Variants in LPAR6 observed in about 807,000 individuals in gnomAD.
LPAR6 encodes the protein lysophosphatidic acid receptor 6.
Under a neutral mutation model 22.0 loss-of-function variants are expected in LPAR6, and 17 were observed. The observed-to-expected ratio is 0.77, with a 90% CI of 0.53 to 1.16. LPAR6 has a LOEUF of 1.16. Among genes scored for constraint, LPAR6 ranks in the 50% most tolerant of loss-of-function variants. The pLI, the probability that LPAR6 is intolerant of heterozygous loss-of-function variation, is 0.00. For missense variants in LPAR6, 384 were observed against 406.9 expected (o/e 0.94, Z 0.48); for synonymous variants, 136 against 139.8 (o/e 0.97, Z 0.19).
Position 48,411,460 on chromosome 13 carries a change from C to A in LPAR6, c.964G>T (p.Ala322Ser). 2.5e-6 allele frequency: 4 copies of A among 1,612,926 alleles called. No homozygotes were observed. The highest frequency in any genetic ancestry group is 3.4e-6 in the Non-Finnish European group (4 of 1,179,294). Residue 322 changes from alanine to serine, a missense_variant, in exon 1 of 1, where the codon GCA becomes TCA. By Grantham distance (99) the Ala-to-Ser change is moderately conservative (BLOSUM62 1). Coordinates refer to ENST00000620633, the MANE Select transcript of LPAR6 (RefSeq NM_001162498.3). ...SDFRFSEVHG[A>S]ENFIQHNLQT... ...AGGTTATGCTGAATAAAATTCTCTG[C>A]ACCATGAACTTCAGAGAATCTGAAG...
At chr13:48,407,264 C>A (rs1009381078), downstream of LPAR6, among the ~76,000 whole-genome samples, 1 of 152,164 alleles carries the variant, frequency 6.6e-6, no homozygotes, top group Admixed American at 6.6e-5. Flanking sequence ...GGGGCTCTAT[C>A]TTTTGAATTC....
intron 1 of LPAR6, among the ~76,000 whole-genome samples, chr13:48,395,096 A>C (rs1027558095): frequency 3.3e-5 from 5 of 150,892 alleles, no homozygotes; most frequent in African/African-American, 9.8e-5. Flanking sequence ...TGGTGATACC[A>C]GGCAAACAGG....
chr13:48,423,343 C>T (rs1949033825), intron 1 of LPAR6, among the ~76,000 whole-genome samples: 3 of 151,972 alleles, frequency 2.0e-5, no homozygotes, highest in Admixed American at 6.6e-5. Context: ...GGCGCGATCT[C>T]GGCTCACTGC....
At position 48,412,414 on chromosome 13, in the gene LPAR6, C is replaced by T. The variant is rs200140945; in HGVS notation, c.10G>A (p.Val4Ile). The T allele has an allele frequency of 4.5e-5, 72 of 1,613,012 alleles. 1 individual carries two copies. The East Asian group carries it at 8.5e-4, about 19-fold the overall frequency. Reference sequence around the variant, plus strand: ...TTATAGAAGCAGTGGGAGCTGTTAACGCTTACCATCGTAAAGGCACGTCCA... The same window carrying T: ...TTATAGAAGCAGTGGGAGCTGTTAATGCTTACCATCGTAAAGGCACGTCCA... MVS[V>I]NSSHCFYNDS... Residue 4 changes from valine to isoleucine, a missense_variant, in exon 1 of 1, where the codon GTT becomes ATT. By Grantham distance (29) the Val-to-Ile change is conservative (BLOSUM62 3). Transcript: ENST00000620633.
chr13:48,419,645 C>A (rs1364129529), intron 2 of LPAR6, among the ~76,000 whole-genome samples: 2 of 151,748 alleles, frequency 1.3e-5, no homozygotes, highest in Non-Finnish European at 2.9e-5. Flanking sequence ...ACTAGCCAGG[C>A]TAATAAAGAA....
At chr13:48,438,999 G>A (rs902091701) in intron 1 of LPAR6, among the ~76,000 whole-genome samples, 3 of 152,126 alleles carry the variant, frequency 2.0e-5, no homozygotes, top group Non-Finnish European at 4.4e-5. Flanking sequence ...GTGGCCAGTG[G>A]AACTAATTGT....
At chr13:48,402,379 C>CTTTTCTTTT (rs1555288403) in intron 1 of LPAR6, among the ~76,000 whole-genome samples, 5 of 125,718 alleles carry the variant, frequency 4.0e-5, no homozygotes, top group Non-Finnish European at 8.2e-5. Flanking sequence ...TGTAGAAAAC[C>CTTTTCTTTT]TTTTTTTTTT....
intron 1 of LPAR6, among the ~76,000 whole-genome samples, chr13:48,395,855 A>G (rs1948643866): frequency 6.6e-6 from 1 of 152,182 alleles, no homozygotes; most frequent in Non-Finnish European, 1.5e-5. Context: ...AAACAGGCCA[A>G]CATTCAAATT....
At chr13:48,396,778 A>C (rs777006890) in intron 1 of LPAR6, among the ~76,000 whole-genome samples, 1 of 152,230 alleles carries the variant, frequency 6.6e-6, no homozygotes, top group African/African-American at 2.4e-5. Context: ...CAGAATCTAC[A>C]AGGAACTTAA....
At chr13:48,391,640 A>G (rs1948611698) in intron 1 of LPAR6, 2 of 152,114 alleles carry the variant, frequency 1.3e-5, no homozygotes. Flanking sequence ...TCTTTTTGAG[A>G]TGGAGTCTCT....
At chr13:48,431,890 T>C (rs1002916588), upstream of LPAR6, among the ~76,000 whole-genome samples, 12 of 152,206 alleles carry the variant, frequency 7.9e-5, no homozygotes, top group Non-Finnish European at 1.8e-4. Flanking sequence ...AACTGATACT[T>C]ATTTTTTTTT....
At chr13:48,436,742 A>G (rs538942836) in intron 1 of LPAR6, among the ~76,000 whole-genome samples, 1 of 152,290 alleles carries the variant, frequency 6.6e-6, no homozygotes, top group African/African-American at 2.4e-5. Context: ...AAAATGGAAA[A>G]GATCTTCAGA....
At chr13:48,435,327 T>C (rs1219758598) in intron 1 of LPAR6, among the ~76,000 whole-genome samples, 1 of 152,204 alleles carries the variant, frequency 6.6e-6, no homozygotes, top group East Asian at 1.9e-4. Flanking sequence ...CTAATGATAT[T>C]GATTAACCTT....
chr13:48,411,544 T>TA lies in LPAR6; in HGVS notation c.879dup (p.Thr294TyrfsTer20). The stretch of plus-strand genomic sequence containing the variant: ...ATTGAATTCTGAATTGTGTCCGATG[T>TA]AAAGTAGTAAACTATAGGGTCAAAA... On this transcript the variant is annotated frameshift_variant, in exon 1 of 1. Transcript: ENST00000620633. LOFTEE classifies it high-confidence loss of function. 3 of 1,613,688 alleles carry TA rather than the reference T, an allele frequency of 1.9e-6. No individual in the cohort carries two copies. Among genetic ancestry groups the TA allele is most frequent in the Non-Finnish European group, 1.7e-6 (2 of 1,179,822 alleles).
At chr13:48,413,771 T>C (rs1948859172), upstream of LPAR6, among the ~76,000 whole-genome samples, 1 of 152,172 alleles carries the variant, frequency 6.6e-6, no homozygotes, top group African/African-American at 2.4e-5. Flanking sequence ...AACTCAAGAA[T>C]GTTTATCTTT....
At chr13:48,407,901 A>G (rs536239724), downstream of LPAR6, among the ~76,000 whole-genome samples, 12 of 152,176 alleles carry the variant, frequency 7.9e-5, no homozygotes, top group Non-Finnish European at 1.8e-4. Context: ...TTAGGCACGA[A>G]AAAAGTTTAG....
chr13:48,393,583 A>C (rs1476287741), intron 1 of LPAR6, among the ~76,000 whole-genome samples: 5 of 152,204 alleles, frequency 3.3e-5, no homozygotes, highest in Non-Finnish European at 5.9e-5. Context: ...CAGGGTTACT[A>C]AACGTAAGGC....
upstream of LPAR6, chr13:48,417,125 G>C (rs1482956447): frequency 6.6e-6 from 1 of 152,420 alleles, no homozygotes; most frequent in East Asian, 1.9e-4. Flanking sequence ...CATGTCTCCT[G>C]ACTGGGAAAC....
chr13:48,426,694 T>C (rs549049016), intron 1 of LPAR6: 2 of 152,366 alleles, frequency 1.3e-5, no homozygotes, highest in East Asian at 3.9e-4. Flanking sequence ...GAGCAGGAAC[T>C]CGAATCCTAG....
Sources: allele counts gnomAD v4.1 joint callset (sites outside exome capture counted in the v4.1 genomes callset), GRCh38; gene constraint gnomAD v4.1.1; transcripts MANE v1.5; gene names NCBI Gene and HGNC (gene_info 2026-07-23, HGNC 2026-07-21).